Variants in GPR63 observed in about 807,000 individuals in gnomAD.
GPR63 encodes probable G protein-coupled receptor 63.
A neutral mutation model predicts 23.1 loss-of-function variants in GPR63; 12 were observed. That is an observed-to-expected ratio of 0.52 (90% confidence interval 0.33 to 0.84). The LOEUF (loss-of-function observed/expected upper bound fraction) is 0.84. GPR63 is among the 40% of genes least tolerant of loss of function. The pLI is 0.02. For synonymous variants in GPR63, 172 were observed against 191.1 expected (o/e 0.90, Z 0.82); for missense variants, 472 against 515.6 (o/e 0.92, Z 0.82).
At chr6:96,802,997 C>T (rs1283514781) in intron 1 of GPR63, among the ~76,000 whole-genome samples, 1 of 152,140 alleles carries the variant, frequency 6.6e-6, no homozygotes, top group African/African-American at 2.4e-5. Flanking sequence ...CACTCCACAC[C>T]TAGTTCTCCT....
At chr6:96,820,874 T>G (rs1005120859) in intron 1 of GPR63, among the ~76,000 whole-genome samples, 1 of 152,224 alleles carries the variant, frequency 6.6e-6, no homozygotes, top group Non-Finnish European at 1.5e-5. Context: ...AACTAAATGT[T>G]TATACCATCA....
chr6:96,812,536 C>T (rs1774069440), intron 1 of GPR63, among the ~76,000 whole-genome samples: 1 of 152,058 alleles, frequency 6.6e-6, no homozygotes, highest in East Asian at 1.9e-4. Flanking sequence ...GAAAGGTCAG[C>T]ATTTAATAGA....
intron 1 of GPR63, among the ~76,000 whole-genome samples, chr6:96,815,213 T>C (rs947305620): frequency 6.6e-6 from 1 of 152,220 alleles, no homozygotes; most frequent in Non-Finnish European, 1.5e-5. Context: ...AGACATATAA[T>C]TCTCCTTTTA....
At chr6:96,830,727 C>T (rs1051664878) in intron 1 of GPR63, among the ~76,000 whole-genome samples, 11 of 152,160 alleles carry the variant, frequency 7.2e-5, no homozygotes, top group Non-Finnish European at 1.3e-4. Flanking sequence ...TGTTTAATGG[C>T]TAAAGATAAT....
At chr6:96,818,996 T>G (rs749333819) in intron 1 of GPR63, among the ~76,000 whole-genome samples, 2 of 152,094 alleles carry the variant, frequency 1.3e-5, no homozygotes, top group African/African-American at 4.8e-5. Flanking sequence ...AGAATGGTGA[T>G]CATTAAAAAG....
At chr6:96,835,169 C>CCAT (rs1258007005) in intron 1 of GPR63, among the ~76,000 whole-genome samples, 1 of 152,060 alleles carries the variant, frequency 6.6e-6, no homozygotes, top group African/African-American at 2.4e-5. Flanking sequence ...ATACTGAAAA[C>CCAT]CAGTGCTTTT....
chr6:96,814,945 G>A (rs1045884592), intron 1 of GPR63, among the ~76,000 whole-genome samples: 2 of 152,132 alleles, frequency 1.3e-5, no homozygotes, highest in Non-Finnish European at 2.9e-5. Flanking sequence ...CTTAATCTCA[G>A]ACACAATTTT....
intron 1 of GPR63, among the ~76,000 whole-genome samples, chr6:96,812,419 T>C (rs1180022163): frequency 6.6e-6 from 1 of 152,128 alleles, no homozygotes; most frequent in African/African-American, 2.4e-5. Context: ...TTCCTGTTAC[T>C]TTTCCCCATA....
At chr6:96,828,810 T>C (rs953838586) in intron 1 of GPR63, among the ~76,000 whole-genome samples, 8 of 152,182 alleles carry the variant, frequency 5.3e-5, no homozygotes, top group Admixed American at 5.2e-4. Context: ...AGCCAACAAG[T>C]AGGGAAAGGT....
chr6:96,822,230 A>G (rs1023826839), intron 1 of GPR63, among the ~76,000 whole-genome samples: 5 of 152,176 alleles, frequency 3.3e-5, no homozygotes, highest in Non-Finnish European at 7.4e-5. Context: ...AATAAAGATC[A>G]TTCTGCTCTA....
Position 96,794,893 on chromosome 6 carries a change from C to A in GPR63, c.*3579G>T, listed in dbSNP as rs1409730915. The A allele has an allele frequency of 6.6e-6, 1 of 152,158 alleles. No homozygotes were observed. The highest frequency in any genetic ancestry group is 2.4e-5 in the African/African-American group (1 of 41,434). 9.4% of individuals were successfully genotyped at this position (152,158 alleles called of 1,614,324 possible). Reference sequence around the variant, plus strand: ...CAAGATCCAGCACAAACACAGGTGGCAGCAAATCAGGCACAATGTTGTGTG... The same window carrying A: ...CAAGATCCAGCACAAACACAGGTGGAAGCAAATCAGGCACAATGTTGTGTG... On this transcript the variant is annotated 3_prime_UTR_variant, in exon 2 of 2. Coordinates refer to ENST00000229955, the MANE Select transcript of GPR63 (RefSeq NM_030784.4).
At chr6:96,817,609 A>G (rs1172360665) in intron 1 of GPR63, among the ~76,000 whole-genome samples, 1 of 152,192 alleles carries the variant, frequency 6.6e-6, no homozygotes, top group Non-Finnish European at 1.5e-5. Flanking sequence ...CCATCAATAG[A>G]ACTGATAAAT....
intron 1 of GPR63, among the ~76,000 whole-genome samples, chr6:96,824,051 T>C (rs969161944): frequency 7.3e-6 from 1 of 137,892 alleles, no homozygotes; most frequent in African/African-American, 2.7e-5. Flanking sequence ...TGCTCTATGA[T>C]AGTATGGTAT....
chr6:96,807,216 T>C, intron 1 of GPR63, among the ~76,000 whole-genome samples: 1 of 152,226 alleles, frequency 6.6e-6, no homozygotes, highest in East Asian at 1.9e-4. Flanking sequence ...CCTCTCTCTC[T>C]AGTCACTCCT....
chr6:96,836,217 A>G (rs928365511), intron 1 of GPR63, among the ~76,000 whole-genome samples: 7 of 152,148 alleles, frequency 4.6e-5, no homozygotes, highest in African/African-American at 1.7e-4. Context: ...GTCTGCAATA[A>G]ATGTACTTTT....
Position 96,794,983 on chromosome 6 carries a change from T to C in GPR63, c.*3489A>G, listed in dbSNP as rs1431944381. On this transcript the variant is annotated 3_prime_UTR_variant, in exon 2 of 2. Coordinates refer to ENST00000229955, the MANE Select transcript of GPR63 (RefSeq NM_030784.4). The stretch of plus-strand genomic sequence containing the variant: ...AATGGCTTGCAACACGAAACAAACA[T>C]TGTGGGATAAAACAGATGATATTTA... 6.6e-6 allele frequency: 1 copy of C among 152,148 alleles called. No individual in the cohort carries two copies. Among genetic ancestry groups the C allele is most frequent in the African/African-American group, 2.4e-5 (1 of 41,438 alleles). 9.4% of individuals were successfully genotyped at this position (152,148 alleles called of 1,614,324 possible).
chr6:96,798,509 G>A lies in GPR63; in HGVS notation c.1223C>T (p.Ala408Val), dbSNP rs1436841912. Residue 408 changes from alanine to valine, a missense_variant, in exon 2 of 2, where the codon GCT (alanine) becomes GTT (valine). Coordinates refer to ENST00000229955, the MANE Select transcript of GPR63 (RefSeq NM_030784.4). ...CCGATGTTCCCCACACACATAGACA[G>A]CACTAGGACGTATCCGTCGCTTTGT... is the stretch of plus-strand genomic sequence containing the variant. ...GHTKRRIRPS[A>V]VYVCGEHRTV... The A allele has an allele frequency of 6.2e-7, 1 of 1,614,074 alleles. No homozygotes were observed. Among genetic ancestry groups the A allele is most frequent in the Non-Finnish European group, 8.5e-7 (1 of 1,180,036 alleles).
At position 96,828,198 on chromosome 6, in the gene GPR63, T is replaced by C. The variant is rs1374357393; in HGVS notation, c.-151+9070A>G. Among the ~76,000 whole-genome samples, 3 of 152,050 alleles carry C rather than the reference T, an allele frequency of 2.0e-5. 1 individual carries two copies. The highest frequency in any genetic ancestry group is 7.2e-5 in the African/African-American group (3 of 41,394). On this transcript the variant is annotated intron_variant, in intron 1 of 1. Transcript: ENST00000229955. ...AAGATCAAGGTACTATCGGGATGCA[T>C]TTCTGGTGAGGCCTCTCTTCCTGGT...
In GPR63 at chr6:96,837,259, T is replaced by G. The variant is rs1017983300; in HGVS notation, c.-151+9A>C. On this transcript the variant is annotated intron_variant, in intron 1 of 1. Coordinates refer to ENST00000229955, the MANE Select transcript of GPR63 (RefSeq NM_030784.4). ...GATCGCGGGCCGGGGATCCCGAGCCTCACCTCACCTCAAGCGAAGGGCAGC... is the reference window on the plus strand; with the variant it reads ...GATCGCGGGCCGGGGATCCCGAGCCGCACCTCACCTCAAGCGAAGGGCAGC... 9.2e-5 allele frequency: 14 copies of G among 152,202 alleles called. No homozygotes were observed. The highest frequency in any genetic ancestry group is 3.4e-4 in the African/African-American group (14 of 41,374). The allele number at this position is 152,202 out of a possible 1,614,324, so 9.4% of individuals were successfully genotyped here.
Sources: allele counts gnomAD v4.1 joint callset (sites outside exome capture counted in the v4.1 genomes callset), GRCh38; gene constraint gnomAD v4.1.1; transcripts MANE v1.5; gene names NCBI Gene and HGNC (gene_info 2026-07-23, HGNC 2026-07-21).